ATXN1: variants seen among roughly 807,000 people sequenced by gnomAD.
The protein encoded by ATXN1 is ataxin-1.
A neutral mutation model predicts 56.4 loss-of-function variants in ATXN1; 8 were observed. That is an observed-to-expected ratio of 0.14 (90% CI 0.08 to 0.26). The LOEUF (loss-of-function observed/expected upper bound fraction) is 0.26. ATXN1 is among the 10% of genes least tolerant of loss of function. ATXN1 has a pLI of 1.00. For missense variants in ATXN1, 987 were observed against 1,106.5 expected (o/e 0.89, Z 1.53); for synonymous variants, 514 against 494.6 (o/e 1.04, Z -0.52).
At chr6:16,536,456 CTTACAAT>C (rs1317952227) in intron 4 of ATXN1, among the ~76,000 whole-genome samples, 1 of 152,100 alleles carries the variant, frequency 6.6e-6, no homozygotes, top group Non-Finnish European at 1.5e-5. Flanking sequence ...CTGTACAATT[CTTACAAT>C]TTACTTGTAT....
At chr6:16,692,437 T>C (rs192312581) in intron 2 of ATXN1, among the ~76,000 whole-genome samples, 219 of 152,234 alleles carry the variant, frequency 1.4e-3, no homozygotes, top group African/African-American at 3.9e-3. Context: ...GAAGTAAAAT[T>C]GTAAGTCAAG....
At chr6:16,387,924 T>C (rs1758274326) in intron 6 of ATXN1, among the ~76,000 whole-genome samples, 1 of 152,208 alleles carries the variant, frequency 6.6e-6, no homozygotes, top group East Asian at 1.9e-4. Flanking sequence ...ATTTAGTGGA[T>C]ACTTTTTAAA....
chr6:16,361,663 A>C (rs1331195884), intron 6 of ATXN1, among the ~76,000 whole-genome samples: 2 of 152,168 alleles, frequency 1.3e-5, no homozygotes, highest in Admixed American at 1.3e-4. Flanking sequence ...TTCAGTAATA[A>C]ATTTTACTCC....
chr6:16,455,853 C>T (rs897207689), intron 6 of ATXN1, among the ~76,000 whole-genome samples: 4 of 152,122 alleles, frequency 2.6e-5, no homozygotes, highest in African/African-American at 7.2e-5. Flanking sequence ...GTTTGTAAAG[C>T]GCACCAATCA....
Position 16,300,582 on chromosome 6 carries a change from A to C in ATXN1, c.*5747T>G, listed in dbSNP as rs1045541636. 4.6e-5 allele frequency: 7 copies of C among 152,432 alleles called. No homozygotes were observed. The highest frequency in any genetic ancestry group is 1.0e-4 in the Non-Finnish European group (7 of 68,042). The allele number at this position is 152,432 out of a possible 1,614,324, so 9.4% of individuals were successfully genotyped here. ...CTTTATATTAAATAAAAATCAAAAT[A>C]AAACTAAAATAAAATGAGGCATTTA... On this transcript the variant is annotated 3_prime_UTR_variant, in exon 8 of 8. Transcript: ENST00000436367.
chr6:16,359,847 A>T (rs1266085813), intron 6 of ATXN1, among the ~76,000 whole-genome samples: 3 of 152,274 alleles, frequency 2.0e-5, no homozygotes, highest in African/African-American at 7.2e-5. Context: ...GTTCTCACGC[A>T]TAAGTGGGAG....
rs141014519 is a variant in ATXN1, at chr6:16,333,966, G to T, written c.-160-5496C>A. ...ATAGCTATAATTAGATGCCTTTATG[G>T]TTGACTGAACAGGCATGCCCCCAAA... is the stretch of plus-strand genomic sequence containing the variant. On this transcript the variant is annotated intron_variant, in intron 6 of 7. Transcript: ENST00000436367. 1.6e-4 allele frequency among the ~76,000 whole-genome samples: 24 copies of T among 152,272 alleles called. 1 individual carries two copies. Among genetic ancestry groups the T allele is most frequent in the African/African-American group, 5.8e-4 (24 of 41,556 alleles).
chr6:16,750,873 G>C (rs958737132), intron 2 of ATXN1, among the ~76,000 whole-genome samples: 1 of 151,964 alleles, frequency 6.6e-6, no homozygotes, highest in African/African-American at 2.4e-5. Context: ...CTAAATGTGA[G>C]GATTTTCAGC....
intron 7 of ATXN1, among the ~76,000 whole-genome samples, chr6:16,321,420 A>G (rs1760649564): frequency 6.6e-6 from 1 of 152,222 alleles, no homozygotes; most frequent in Non-Finnish European, 1.5e-5. Context: ...GGAACGTGCT[A>G]TCACCCTCCA....
intron 4 of ATXN1, among the ~76,000 whole-genome samples, chr6:16,544,541 G>C (rs1272024629): frequency 6.6e-6 from 1 of 150,902 alleles, no homozygotes; most frequent in African/African-American, 2.5e-5. Context: ...AATTCTCTGA[G>C]TCTATGACCC....
chr6:16,612,988 G>T (rs1433322165), intron 3 of ATXN1, among the ~76,000 whole-genome samples: 1 of 151,770 alleles, frequency 6.6e-6, no homozygotes, highest in African/African-American at 2.4e-5. Context: ...TATTTTGGCC[G>T]GGCGCGGTGG....
intron 6 of ATXN1, among the ~76,000 whole-genome samples, chr6:16,433,872 T>G (rs1759337626): frequency 6.6e-6 from 1 of 152,158 alleles, no homozygotes; most frequent in Non-Finnish European, 1.5e-5. Flanking sequence ...TGCCGCTACC[T>G]CCTCACCTGC....
At chr6:16,620,153 A>G (rs1027778020) in intron 3 of ATXN1, among the ~76,000 whole-genome samples, 3 of 152,070 alleles carry the variant, frequency 2.0e-5, no homozygotes, top group African/African-American at 7.2e-5. Flanking sequence ...AGTAGGAGAA[A>G]CCTTGATCTT....
At chr6:16,329,009 A>G (rs1760917143) in intron 6 of ATXN1, among the ~76,000 whole-genome samples, 3 of 152,008 alleles carry the variant, frequency 2.0e-5, no homozygotes, top group Admixed American at 2.0e-4. Flanking sequence ...TTATGAAGAC[A>G]CTGGGCAAGT....
intron 6 of ATXN1, among the ~76,000 whole-genome samples, chr6:16,452,606 G>A (rs1759775427): frequency 6.6e-6 from 1 of 152,158 alleles, no homozygotes; most frequent in South Asian, 2.1e-4. Context: ...AAATATGGCT[G>A]ATTTTTTTCC....
chr6:16,345,505 TA>T (rs1475447229), intron 6 of ATXN1, among the ~76,000 whole-genome samples: 1 of 152,236 alleles, frequency 6.6e-6, no homozygotes, highest in Non-Finnish European at 1.5e-5. Flanking sequence ...AGATCAGCTG[TA>T]CACATCGGCC....
intron 2 of ATXN1, among the ~76,000 whole-genome samples, chr6:16,684,564 T>C (rs189031127): frequency 6.6e-6 from 1 of 152,228 alleles, no homozygotes; most frequent in Admixed American, 6.5e-5. Context: ...AACTTCCTCA[T>C]TTTCCTAAGG....
chr6:16,378,232 C>G (rs1295830000), intron 6 of ATXN1, among the ~76,000 whole-genome samples: 1 of 152,228 alleles, frequency 6.6e-6, no homozygotes, highest in African/African-American at 2.4e-5. Context: ...ACTGATTGTA[C>G]CACTCCCCTG....
At chr6:16,371,561 C>CT (rs1039403330) in intron 6 of ATXN1, among the ~76,000 whole-genome samples, 30 of 151,520 alleles carry the variant, frequency 2.0e-4, no homozygotes, top group African/African-American at 7.3e-4. Context: ...CAAGTGTTTT[C>CT]TTTTTTTTGA....
Sources: gnomAD v4.1 joint callset for allele counts (sites outside exome capture counted in the v4.1 genomes callset) on GRCh38, gnomAD v4.1.1 for gene constraint, MANE v1.5 for transcripts, NCBI Gene and HGNC (gene_info 2026-07-23, HGNC 2026-07-21) for gene names.